Variants in OR2V2 observed in about 807,000 individuals in gnomAD.
OR2V2 encodes olfactory receptor 2V2.
For synonymous variants in OR2V2, 161 were observed against 151.3 expected, an observed-to-expected ratio of 1.06 and a Z score of -0.47; for missense variants, 392 against 392.2, an observed-to-expected ratio of 1.00 and a Z score of 0.00.
intron 1 of OR2V2, among the ~76,000 whole-genome samples, chr5:181,151,840 C>A (rs2113345691): frequency 6.6e-6 from 1 of 151,984 alleles, no homozygotes; most frequent in South Asian, 2.1e-4. Context: ...AAAAAATTAG[C>A]TAGGTGTGGT....
chr5:181,148,538 T>C (rs1763154506), intron 1 of OR2V2, among the ~76,000 whole-genome samples: 1 of 152,254 alleles, frequency 6.6e-6, no homozygotes, highest in African/African-American at 2.4e-5. Flanking sequence ...GATGCAAGAA[T>C]AAATTCAGTT....
At chr5:181,149,963 G>A (rs1003115235) in intron 1 of OR2V2, among the ~76,000 whole-genome samples, 2 of 152,236 alleles carry the variant, frequency 1.3e-5, no homozygotes, top group Admixed American at 1.3e-4. Flanking sequence ...CTCTGAACAC[G>A]GTAGTAGGGC....
chr5:181,155,539 G>A lies in OR2V2; in HGVS notation c.597G>A (p.Val199=). Residue 199 remains valine (V), a synonymous_variant, in exon 2 of 2, where the codon GTG becomes GTA. Coordinates refer to ENST00000641492, the MANE Select transcript of OR2V2 (RefSeq NM_206880.2). The part of the protein sequence containing the change: ...ACVDTSLFEK[V]IFACCVFMLL... ...TAGACACATCCCTGTTTGAGAAGGT[G>A]ATATTTGCTTGCTGTGTCTTCATGC... 1.2e-6 allele frequency: 2 copies of A among 1,614,160 alleles called. No homozygotes were observed. Among genetic ancestry groups the A allele is most frequent in the Non-Finnish European group, 1.7e-6 (2 of 1,180,034 alleles).
chr5:181,155,647 G>A lies in OR2V2; in HGVS notation c.705G>A (p.Trp235Ter), dbSNP rs1185408567. 2 of 1,614,176 alleles carry A rather than the reference G, an allele frequency of 1.2e-6. No individual in the cohort carries two copies. The highest frequency in any genetic ancestry group is 1.7e-6 in the Non-Finnish European group (2 of 1,180,032). The change falls in exon 2 of 2, where the codon TGG becomes TGA. Residue 235 changes from tryptophan (W) to a stop codon, truncating the protein, a stop_gained. Coordinates refer to ENST00000641492, the MANE Select transcript of OR2V2 (RefSeq NM_206880.2). LOFTEE classifies it low-confidence loss of function (END_TRUNC). ...TVLQMHSAQA[W>*]KKALATCSSH... is the part of the protein sequence containing the mutation. ...TGCAAATGCACTCTGCTCAGGCCTG[G>A]AAAAAGGCCCTGGCCACCTGCTCCT...
intron 1 of OR2V2, among the ~76,000 whole-genome samples, chr5:181,151,365 C>T (rs1763188867): frequency 1.3e-5 from 2 of 152,324 alleles, no homozygotes; most frequent in Middle Eastern, 6.8e-3. Context: ...ACAAGACTGA[C>T]ACCATCTGGC....
intron 1 of OR2V2, among the ~76,000 whole-genome samples, chr5:181,152,109 A>G (rs1032994837): frequency 5.3e-5 from 8 of 152,166 alleles, no homozygotes; most frequent in Non-Finnish European, 1.0e-4. Flanking sequence ...TCCCAGCCAC[A>G]GTACTCACAT....
At chr5:181,149,346 C>T (rs1763164508) in intron 1 of OR2V2, among the ~76,000 whole-genome samples, 1 of 152,152 alleles carries the variant, frequency 6.6e-6, no homozygotes. Context: ...GTGCTGTGAC[C>T]TGGGCAGCTG....
intron 1 of OR2V2, among the ~76,000 whole-genome samples, chr5:181,153,446 G>C (rs575629476): frequency 3.9e-5 from 6 of 152,132 alleles, no homozygotes; most frequent in Non-Finnish European, 7.3e-5. Flanking sequence ...CAGCACTTTG[G>C]GAGGCCACGT....
chr5:181,155,773 C>G lies in OR2V2; in HGVS notation c.831C>G (p.Ile277Met). Residue 277 changes from isoleucine (I) to methionine (M), a missense_variant, in exon 2 of 2, where the codon ATC (isoleucine) becomes ATG (methionine). Physicochemically the swap from Ile to Met is conservative, Grantham distance 10. Transcript: ENST00000641492. The part of the protein sequence containing the change: ...RAPSHDKVAS[I>M]FYTVLTPMLN... ...CCAGCCATGACAAGGTGGCCTCTAT[C>G]TTCTACACGGTCCTTACTCCCATGC... 1.2e-6 allele frequency: 2 copies of G among 1,614,194 alleles called. No homozygotes were observed. The highest frequency in any genetic ancestry group is 1.7e-6 in the Non-Finnish European group (2 of 1,180,038).
chr5:181,152,528 A>G (rs1763205599), intron 1 of OR2V2, among the ~76,000 whole-genome samples: 1 of 152,238 alleles, frequency 6.6e-6, no homozygotes, highest in Admixed American at 6.5e-5. Context: ...GTGGTTAGTA[A>G]GTTCCTGACT....
rs1554096515 is a variant in OR2V2, at chr5:181,156,039, G to GTTCGTTCTTTCTTTCTTTCTTTCT, written c.*152_*153insGTTCTTTCTTTCTTTCTTTCTTTC. 2.4e-4 allele frequency: 118 copies of GTTCGTTCTTTCTTTCTTTCTTTCT among 495,282 alleles called. No homozygotes were observed. The highest frequency in any genetic ancestry group is 1.3e-3 in the South Asian group (27 of 20,432). The allele number at this position is 495,282 out of a possible 1,614,324, so 30.7% of individuals were successfully genotyped here. On this transcript the variant is annotated 3_prime_UTR_variant, in exon 2 of 2. Transcript: ENST00000641492. The stretch of plus-strand genomic sequence containing the variant: ...GAAGGTCTTTTTAAACACTACATCA[G>GTTCGTTCTTTCTTTCTTTCTTTCT]TTCTTTCTTTCTTTCTTTCTTTCTT...
Position 181,155,750 on chromosome 5 carries a change from A to G in OR2V2, c.808A>G (p.Ser270Gly). The change falls in exon 2 of 2, where the codon AGC (serine) becomes GGC (glycine). Residue 270 changes from serine (S) to glycine (G), a missense_variant. Transcript: ENST00000641492. ...GAGGCCTAGGCACTACCGGGCCCCC[A>G]GCCATGACAAGGTGGCCTCTATCTT... ...YLRPRHYRAP[S>G]HDKVASIFYT... 1.2e-6 allele frequency: 2 copies of G among 1,614,170 alleles called. No homozygotes were observed. The highest frequency in any genetic ancestry group is 2.7e-5 in the African/African-American group (2 of 75,042).
At chr5:181,149,018 G>A (rs1007884465) in intron 1 of OR2V2, among the ~76,000 whole-genome samples, 5 of 152,232 alleles carry the variant, frequency 3.3e-5, no homozygotes, top group South Asian at 2.1e-4. Context: ...GGGTGATGAC[G>A]GATGGCCTGC....
At chr5:181,149,261 T>C (rs1428714943) in intron 1 of OR2V2, among the ~76,000 whole-genome samples, 2 of 152,036 alleles carry the variant, frequency 1.3e-5, no homozygotes, top group East Asian at 3.9e-4. Context: ...TGGATATGTT[T>C]TGGAAGAAGA....
intron 1 of OR2V2, among the ~76,000 whole-genome samples, chr5:181,148,388 G>A (rs1007324303): frequency 1.2e-4 from 18 of 152,142 alleles, no homozygotes; most frequent in African/African-American, 4.1e-4. Context: ...GATGTGGGAC[G>A]GGGTCCTCTC....
rs1429707386 is a variant in OR2V2 at position 181,154,971 on chromosome 5, C to T, written c.29C>T (p.Thr10Ile). The T allele has an allele frequency of 2.5e-6, 4 of 1,614,018 alleles. No individual in the cohort carries two copies. Among genetic ancestry groups the T allele is most frequent in the Non-Finnish European group, 3.4e-6 (4 of 1,179,984 alleles). Residue 10 changes from threonine (T) to isoleucine (I), a missense_variant, in exon 2 of 2, where the codon ACA (threonine) becomes ATA (isoleucine). By Grantham distance (89) the Thr-to-Ile change is moderately conservative (BLOSUM62 -1). Coordinates refer to ENST00000641492, the MANE Select transcript of OR2V2 (RefSeq NM_206880.2). METWVNQSYTDGFFLLGIFS... is the reference protein window; with the variant it reads METWVNQSYIDGFFLLGIFS... ...GAGACGTGGGTGAACCAGTCCTACACAGATGGCTTCTTCCTCTTAGGCATC... is the reference window on the plus strand; with the variant it reads ...GAGACGTGGGTGAACCAGTCCTACATAGATGGCTTCTTCCTCTTAGGCATC...
chr5:181,154,255 C>G (rs1430763194), intron 1 of OR2V2, among the ~76,000 whole-genome samples: 1 of 152,166 alleles, frequency 6.6e-6, no homozygotes. Context: ...GTCCCGGCCC[C>G]GTTAAACATT....
In OR2V2 at chr5:181,155,628, T is replaced by G; in HGVS notation, c.686T>G (p.Met229Arg). Residue 229 changes from methionine to arginine, a missense_variant, in exon 2 of 2, where the codon ATG becomes AGG. By Grantham distance (91) the Met-to-Arg change is moderately conservative. Transcript: ENST00000641492. ...CACATTCTAGGGACTGTGCTGCAAA[T>G]GCACTCTGCTCAGGCCTGGAAAAAG... ...YAHILGTVLQ[M>R]HSAQAWKKAL... The G allele has an allele frequency of 1.2e-6, 2 of 1,614,208 alleles. No homozygotes were observed. Among genetic ancestry groups the G allele is most frequent in the South Asian group, 1.1e-5 (1 of 91,088 alleles).
In OR2V2 at chr5:181,155,092, C is replaced by A; in HGVS notation, c.150C>A (p.Ile50=). The change falls in exon 2 of 2, where the codon ATC becomes ATA. Residue 50 remains isoleucine (I), a synonymous_variant. Coordinates refer to ENST00000641492, the MANE Select transcript of OR2V2 (RefSeq NM_206880.2). ...GGAATGTCCTCCTCATCTTCCTCAT[C>A]TACATGGACCCTCACCTTCACACCC... ...LCGNVLLIFL[I]YMDPHLHTPM... 6.2e-7 allele frequency: 1 copy of A among 1,614,202 alleles called. No individual in the cohort carries two copies. Among genetic ancestry groups the A allele is most frequent in the Non-Finnish European group, 8.5e-7 (1 of 1,180,032 alleles).
Sources: gnomAD v4.1 joint callset for allele counts (sites outside exome capture counted in the v4.1 genomes callset) on GRCh38, gnomAD v4.1.1 for gene constraint, MANE v1.5 for transcripts, NCBI Gene and HGNC (gene_info 2026-07-23, HGNC 2026-07-21) for gene names.